Variants in DPF2 observed in about 807,000 individuals in gnomAD.
The protein encoded by DPF2 is zinc finger protein ubi-d4.
Under a neutral mutation model 59.6 loss-of-function variants are expected in DPF2, and 10 were observed. That is an observed-to-expected ratio of 0.17 (90% CI 0.10 to 0.28). The LOEUF is 0.28. DPF2 is among the 10% of genes least tolerant of loss of function. The pLI, the probability that DPF2 is intolerant of heterozygous loss-of-function variation, is 1.00. For synonymous variants in DPF2, 189 were observed against 190.6 expected (o/e 0.99, Z 0.07); for missense variants, 315 against 509.4 (o/e 0.62, Z 3.67).
At position 65,340,922 on chromosome 11, in the gene DPF2, A is replaced by G. The variant is rs1459474316; in HGVS notation, c.194-44A>G. 5.0e-6 allele frequency: 8 copies of G among 1,587,174 alleles called. No homozygotes were observed. In the East Asian group the frequency reaches 1.8e-4, roughly 36 times the overall value. ...TAGAAAGTGTTTGGTATTACTTTCTAATACTGGGTTAGGGCCTGACTTCTA... is the reference window on the plus strand; with the variant it reads ...TAGAAAGTGTTTGGTATTACTTTCTGATACTGGGTTAGGGCCTGACTTCTA... On this transcript the variant is annotated intron_variant, in intron 2 of 10. Coordinates refer to ENST00000528416, the MANE Select transcript of DPF2 (RefSeq NM_006268.5).
rs1363052410 is a variant in DPF2, at chr11:65,344,597, C to T, written c.637+528C>T. Reference sequence around the variant, plus strand: ...TCTTTCAGATAGTTTCAAACAAAAGCATACCTCGAAAGCGCCCCAGAGAGG... The same window carrying T: ...TCTTTCAGATAGTTTCAAACAAAAGTATACCTCGAAAGCGCCCCAGAGAGG... On this transcript the variant is annotated intron_variant, in intron 6 of 10. Transcript: ENST00000528416. The T allele has an allele frequency of 9.8e-6, 15 of 1,536,020 alleles. No homozygotes were observed. In the East Asian group the frequency reaches 2.2e-4, roughly 23 times the overall value.
intron 3 of DPF2, 101 bp downstream of exon 3, chr11:65,341,174 T>G (rs1437376677): frequency 7.5e-7 from 1 of 1,334,372 alleles, no homozygotes; most frequent in East Asian, 2.4e-5. Flanking sequence ...CCAAATATAC[T>G]CAAATGAATA....
At position 65,340,949 on chromosome 11, in the gene DPF2, CT is replaced by C; in HGVS notation, c.194-14del. 1.9e-6 allele frequency: 3 copies of C among 1,613,102 alleles called. No individual in the cohort carries two copies. Among genetic ancestry groups the C allele is most frequent in the Non-Finnish European group, 2.5e-6 (3 of 1,179,484 alleles). ...TACTGGGTTAGGGCCTGACTTCTAT[CT>C]TTCTTCCTGCCACAGGATTGGCCTC... On this transcript the variant is annotated splice_polypyrimidine_tract_variant and intron_variant, in intron 2 of 10. Coordinates refer to ENST00000528416, the MANE Select transcript of DPF2 (RefSeq NM_006268.5).
intron 9 of DPF2, 141 bp from the exon 10 acceptor site, chr11:65,348,709 G>C: frequency 1.5e-6 from 1 of 670,748 alleles, no homozygotes; most frequent in African/African-American, 1.8e-5. Context: ...GCGGTGGAGA[G>C]GGGCAGCATG....
At position 65,343,993 on chromosome 11, in the gene DPF2, T is replaced by C. The variant is rs1468336947; in HGVS notation, c.561T>C (p.Gly187=). ...TGTCTCTTTGCTCTTCTTGGCAGGG[T>C]AAGGGTGTGGGCAGTGCCCGTAAGA... ...PKRRGKGKSK[G]KGVGSARKKL... is the part of the protein sequence containing the mutation. Residue 187 remains glycine, a splice_region_variant and synonymous_variant, in exon 6 of 11, where the codon GGT becomes GGC. Coordinates refer to ENST00000528416, the MANE Select transcript of DPF2 (RefSeq NM_006268.5). 2 of 1,613,982 alleles carry C rather than the reference T, an allele frequency of 1.2e-6. No individual in the cohort carries two copies. Among genetic ancestry groups the C allele is most frequent in the African/African-American group, 1.3e-5 (1 of 74,900 alleles).
intron 7 of DPF2, 60 bp downstream of exon 7, chr11:65,345,863 T>C: frequency 6.2e-7 from 1 of 1,613,392 alleles, no homozygotes; most frequent in Non-Finnish European, 8.5e-7. Flanking sequence ...TGAAAACCAC[T>C]CCTTGCATGG....
At chr11:65,340,080 G>C (rs1044408282) in intron 1 of DPF2, among the ~76,000 whole-genome samples, 1 of 152,190 alleles carries the variant, frequency 6.6e-6, no homozygotes, top group South Asian at 2.1e-4. Flanking sequence ...TAGCACAGGG[G>C]TGGGCTTGTG....
chr11:65,351,081 T>C (rs1854683956), intron 10 of DPF2, among the ~76,000 whole-genome samples: 1 of 152,078 alleles, frequency 6.6e-6, no homozygotes, highest in South Asian at 2.1e-4. Context: ...TACAGAAAAC[T>C]TTGCCAACCG....
chr11:65,349,369 C>T (rs1301381810), intron 10 of DPF2, among the ~76,000 whole-genome samples: 4 of 152,136 alleles, frequency 2.6e-5, no homozygotes, highest in Admixed American at 6.5e-5. Context: ...TCTGCTTCTC[C>T]GATAACTTAC....
chr11:65,350,898 G>C (rs1329770272), intron 10 of DPF2, among the ~76,000 whole-genome samples: 2 of 151,542 alleles, frequency 1.3e-5, no homozygotes, highest in African/African-American at 2.4e-5. Flanking sequence ...AGAATTGCTT[G>C]AATCTGGGAG....
At position 65,340,456 on chromosome 11, in the gene DPF2, G is replaced by A; in HGVS notation, c.104G>A (p.Arg35His). The change falls in exon 2 of 11, where the codon CGC becomes CAC. Residue 35 changes from arginine to histidine, a missense_variant. Around this residue, in one of 4 missense-constraint regions of DPF2, gnomAD observed 228 missense variants for 275.3 expected, o/e 0.83. Coordinates refer to ENST00000528416, the MANE Select transcript of DPF2 (RefSeq NM_006268.5). ...TACAATGCTCGCCTCTGTGCTGAGC[G>A]CAGCGTGCGCCTGCCTTTCTTGGAC... ...HNYNARLCAE[R>H]SVRLPFLDSQ... 1.9e-6 allele frequency: 3 copies of A among 1,614,258 alleles called. No homozygotes were observed. The highest frequency in any genetic ancestry group is 2.5e-6 in the Non-Finnish European group (3 of 1,180,032).
chr11:65,348,646 A>T, intron 9 of DPF2: 1 of 400,010 alleles, frequency 2.5e-6, no homozygotes, highest in Non-Finnish European at 4.5e-6. Flanking sequence ...AGGTGATTTG[A>T]TCAATTAGGA....
In DPF2 at chr11:65,354,016, C is replaced by CT. The variant is rs1854795254; in HGVS notation, c.*2259dup. ...GCGGGAGGTAGGATTTGAGATGGGT[C>CT]TTGGAGAGTTGGACAGTGTCAGCCG... On this transcript the variant is annotated 3_prime_UTR_variant, in exon 11 of 11. Coordinates refer to ENST00000528416, the MANE Select transcript of DPF2 (RefSeq NM_006268.5). Among the ~76,000 whole-genome samples, 1 of 152,112 alleles carries CT rather than the reference C, an allele frequency of 6.6e-6. No homozygotes were observed. Among genetic ancestry groups the CT allele is most frequent in the African/African-American group, 2.4e-5 (1 of 41,414 alleles).
At chr11:65,336,719 G>A (rs937458171) in intron 1 of DPF2, among the ~76,000 whole-genome samples, 10 of 144,456 alleles carry the variant, frequency 6.9e-5, no homozygotes, top group Non-Finnish European at 1.1e-4. Flanking sequence ...AATCCAGGAG[G>A]CAGAGGTTGC....
Position 65,340,429 on chromosome 11 carries a change from A to G in DPF2, c.77A>G (p.Asn26Ser), listed in dbSNP as rs745602444. The change falls in exon 2 of 11, where the codon AAT (asparagine) becomes AGT (serine). Residue 26 changes from asparagine to serine, a missense_variant. Around this residue, in one of 4 missense-constraint regions of DPF2, gnomAD observed 228 missense variants for 275.3 expected, o/e 0.83. Transcript: ENST00000528416. ...YYKDAMEQCH[N>S]YNARLCAERS... ...AAAGATGCCATGGAGCAGTGCCACA[A>G]TTACAATGCTCGCCTCTGTGCTGAG... 1.9e-5 allele frequency: 31 copies of G among 1,614,228 alleles called. No homozygotes were observed. The highest frequency in any genetic ancestry group is 4.4e-5 in the South Asian group (4 of 91,090).
Position 65,333,862 on chromosome 11 carries a change from G to A in DPF2, c.-25G>A, listed in dbSNP as rs753750062. 2 of 1,613,696 alleles carry A rather than the reference G, an allele frequency of 1.2e-6. No homozygotes were observed. The highest frequency in any genetic ancestry group is 2.2e-5 in the East Asian group (1 of 44,870). ...CGCGCTGCGGACTGTGGGGCTTCTCGGCCCGAGGCAGAGGAACAGGGAAGA... is the reference window on the plus strand; with the variant it reads ...CGCGCTGCGGACTGTGGGGCTTCTCAGCCCGAGGCAGAGGAACAGGGAAGA... On this transcript the variant is annotated 5_prime_UTR_variant, in exon 1 of 11. Coordinates refer to ENST00000528416, the MANE Select transcript of DPF2 (RefSeq NM_006268.5).
intron 9 of DPF2, chr11:65,348,631 AG>A: frequency 2.3e-6 from 1 of 438,356 alleles, no homozygotes; most frequent in South Asian, 4.2e-5. Flanking sequence ...AAAAAAAAAA[AG>A]TGGAGGTGAT....
chr11:65,343,951 A>T, intron 5 of DPF2, 40 bp from the exon 6 acceptor site: 1 of 1,613,370 alleles, frequency 6.2e-7, no homozygotes, highest in Non-Finnish European at 8.5e-7. Context: ...CCTCAGGCCC[A>T]GCTACCAAAA....
intron 1 of DPF2, among the ~76,000 whole-genome samples, chr11:65,335,938 C>T (rs1010405061): frequency 9.2e-5 from 14 of 151,940 alleles, no homozygotes; most frequent in African/African-American, 2.9e-4. Context: ...TTCAGCCTCC[C>T]GGGTAGCTGA....
Sources: allele counts gnomAD v4.1 joint callset (sites outside exome capture counted in the v4.1 genomes callset), GRCh38; gene constraint gnomAD v4.1.1; regional missense constraint gnomAD v4.1.1; transcripts MANE v1.5; gene names NCBI Gene and HGNC (gene_info 2026-07-23, HGNC 2026-07-21).